PCDHGA5: variants seen among roughly 807,000 people sequenced by gnomAD.
The protein encoded by PCDHGA5 is protocadherin gamma subfamily A, 5.
In PCDHGA5, 36 loss-of-function variants were observed where a neutral mutation model predicts 56.7. The observed-to-expected ratio is 0.64, with a 90% CI of 0.49 to 0.84. The LOEUF (loss-of-function observed/expected upper bound fraction) is 0.84, where lower values mean the gene tolerates loss of function less well. Ranked by LOEUF, PCDHGA5 falls within the 40% of genes least tolerant of loss-of-function variation. PCDHGA5 has a pLI of 0.00. For synonymous variants in PCDHGA5, 563 were observed against 520.2 expected (o/e 1.08, Z -1.12); for missense variants, 1,305 against 1,201.5 (o/e 1.09, Z -1.27).
intron 1 of PCDHGA5, among the ~76,000 whole-genome samples, chr5:141,467,903 C>G (rs1256664266): frequency 6.6e-6 from 1 of 152,156 alleles, no homozygotes. Context: ...AAGAAATCCG[C>G]CCACCTCAGC....
intron 1 of PCDHGA5, among the ~76,000 whole-genome samples, chr5:141,444,862 A>G (rs781224880): frequency 1.8e-4 from 28 of 152,198 alleles, no homozygotes; most frequent in Non-Finnish European, 2.9e-4. Flanking sequence ...AAGTCTTACT[A>G]CAGGACAAAG....
intron 1 of PCDHGA5, among the ~76,000 whole-genome samples, chr5:141,433,837 C>CAAAAAAAA (rs56191208): frequency 1.9e-4 from 21 of 111,692 alleles, no homozygotes; most frequent in Admixed American, 5.9e-4. Context: ...AACTCTATCT[C>CAAAAAAAA]AAAAAAAAAA....
chr5:141,372,752 T>C (rs746659165), intron 1 of PCDHGA5: 9 of 1,613,300 alleles, frequency 5.6e-6, no homozygotes, highest in Non-Finnish European at 7.6e-6. Flanking sequence ...ATGAAGCCTC[T>C]TGGTTTGAAA....
intron 1 of PCDHGA5, chr5:141,418,256 T>C: frequency 1.2e-6 from 2 of 1,614,046 alleles, no homozygotes; most frequent in Non-Finnish European, 1.7e-6. Context: ...CGCCCCTCAA[T>C]TCCGGAAAGA....
At chr5:141,456,837 C>G (rs550771859) in intron 1 of PCDHGA5, among the ~76,000 whole-genome samples, 70 of 152,194 alleles carry the variant, frequency 4.6e-4, no homozygotes, top group Non-Finnish European at 8.2e-4. Context: ...GTAGTGGGCG[C>G]CTGTAATCCC....
Position 141,431,485 on chromosome 5 carries a change from T to G in PCDHGA5, c.2422-63322T>G. 2 of 1,613,924 alleles carry G rather than the reference T, an allele frequency of 1.2e-6. No individual in the cohort carries two copies. Among genetic ancestry groups the G allele is most frequent in the Non-Finnish European group, 1.7e-6 (2 of 1,179,990 alleles). ...ATGCGAACGACAACGCACCAGCGTTTGCTCAGCCCGAGTACCGCGCGAGCG... is the reference window on the plus strand; with the variant it reads ...ATGCGAACGACAACGCACCAGCGTTGGCTCAGCCCGAGTACCGCGCGAGCG... On this transcript the variant is annotated intron_variant, in intron 1 of 3. Coordinates refer to ENST00000518069, the MANE Select transcript of PCDHGA5 (RefSeq NM_018918.3). This position sits in a 1 kb window ranked among gnomAD's most constrained non-coding sequence, Gnocchi z 4.8.
intron 1 of PCDHGA5, chr5:141,413,527 G>T (rs768496934): frequency 1.2e-6 from 2 of 1,613,820 alleles, no homozygotes; most frequent in African/African-American, 1.3e-5. Flanking sequence ...GGAAGACAGG[G>T]TGAAACTTTT....
chr5:141,422,926 G>GC, intron 1 of PCDHGA5: 1 of 1,614,230 alleles, frequency 6.2e-7, no homozygotes, highest in African/African-American at 1.3e-5. Context: ...CCTGTACCCT[G>GC]CCCTCCCCAC....
chr5:141,368,313 G>A (rs1765575616), intron 1 of PCDHGA5, among the ~76,000 whole-genome samples: 1 of 152,024 alleles, frequency 6.6e-6, no homozygotes, highest in South Asian at 2.1e-4. Flanking sequence ...CTGTTAAAGA[G>A]CATTCAAGTA....
chr5:141,432,870 T>C lies in PCDHGA5; in HGVS notation c.2422-61937T>C, dbSNP rs1022024380. The stretch of plus-strand genomic sequence containing the variant: ...GCGGTGGCCGCGGTCTCCTGCGTCT[T>C]CCTGGCCTTCGTCATCTTGCTGCTG... On this transcript the variant is annotated intron_variant, in intron 1 of 3. Transcript: ENST00000518069. This position sits in a 1 kb window ranked among gnomAD's most constrained non-coding sequence, Gnocchi z 6.0. The C allele has an allele frequency of 1.9e-6, 3 of 1,614,030 alleles. No homozygotes were observed. In the African/African-American group the frequency reaches 4.0e-5, roughly 22 times the overall value.
intron 1 of PCDHGA5, chr5:141,372,532 T>A: frequency 6.2e-7 from 1 of 1,614,022 alleles, no homozygotes; most frequent in East Asian, 2.2e-5. Context: ...GCAATCTCCC[T>A]GCGCCTGCGA....
rs749822569 is a variant in PCDHGA5, at chr5:141,371,950, C to G, written c.2421+5199C>G. On this transcript the variant is annotated intron_variant, in intron 1 of 3. Coordinates refer to ENST00000518069, the MANE Select transcript of PCDHGA5 (RefSeq NM_018918.3). Reference sequence around the variant, plus strand: ...AGCGGGGTGGTGTTCGCGCAGCGAGCCTTCGACCACGAGCAGCTGCGTGCC... The same window carrying G: ...AGCGGGGTGGTGTTCGCGCAGCGAGGCTTCGACCACGAGCAGCTGCGTGCC... 3.1e-6 allele frequency: 5 copies of G among 1,613,168 alleles called. No homozygotes were observed. The highest frequency in any genetic ancestry group is 4.2e-6 in the Non-Finnish European group (5 of 1,179,884).
intron 1 of PCDHGA5, chr5:141,415,739 G>GTTTTT (rs1561759437): frequency 2.3e-6 from 1 of 434,538 alleles, no homozygotes; most frequent in African/African-American, 3.3e-5. Flanking sequence ...TGTTTATTAA[G>GTTTTT]GTTTTTTTTT....
chr5:141,474,500 C>G (rs183956979), intron 1 of PCDHGA5, among the ~76,000 whole-genome samples: 31 of 152,324 alleles, frequency 2.0e-4, no homozygotes, highest in African/African-American at 6.3e-4. Context: ...CTTCTAATGC[C>G]TATCAGCCCT....
chr5:141,409,766 C>G, intron 1 of PCDHGA5: 1 of 1,612,910 alleles, frequency 6.2e-7, no homozygotes, highest in Non-Finnish European at 8.5e-7. Context: ...CGCCTTTGAT[C>G]ACGAGCAGCT....
In PCDHGA5 at chr5:141,439,231, T is replaced by C. The variant is rs545867747; in HGVS notation, c.2422-55576T>C. 2.0e-5 allele frequency among the ~76,000 whole-genome samples: 3 copies of C among 151,650 alleles called. No individual in the cohort carries two copies. In the East Asian group the frequency reaches 5.8e-4, roughly 29 times the overall value. On this transcript the variant is annotated intron_variant, in intron 1 of 3. Coordinates refer to ENST00000518069, the MANE Select transcript of PCDHGA5 (RefSeq NM_018918.3). ...TCCATATGTGAAAATTCTTAGAAGC[T>C]TCCTATACAATTTCAGCTGAAGATT...
rs200491568 is a variant in PCDHGA5, at chr5:141,493,146, G to A, written c.2422-1661G>A. 9.6e-6 allele frequency among the ~76,000 whole-genome samples: 1 copy of A among 104,172 alleles called. No homozygotes were observed. The highest frequency in any genetic ancestry group is 3.1e-5 in the African/African-American group (1 of 32,680). 68.3% of individuals were successfully genotyped at this position (104,172 alleles called of 152,430 possible). A position where few individuals can be genotyped will look rare whatever the true frequency, so the allele number is the denominator to read the frequency against. On this transcript the variant is annotated intron_variant, in intron 1 of 3. Transcript: ENST00000518069. The surrounding 1 kb of genome is among the most constrained non-coding windows in gnomAD (Gnocchi z 4.3). ...AGGACTGTATTTTGAAACACCCCCA[G>A]GTGATTTTGATAGCTGATTGAGAGA... is the stretch of plus-strand genomic sequence containing the variant.
At chr5:141,413,066 A>T in intron 1 of PCDHGA5, 2 of 1,161,944 alleles carry the variant, frequency 1.7e-6, no homozygotes, top group Non-Finnish European at 2.4e-6. Flanking sequence ...TCCAGAATTT[A>T]AAGTGCCCAG....
At chr5:141,400,608 A>G in intron 1 of PCDHGA5, 1 of 1,580,872 alleles carries the variant, frequency 6.3e-7, no homozygotes, top group Admixed American at 1.7e-5. Flanking sequence ...TTTCAAGTCC[A>G]ATGAGTTGTC....
Sources: allele counts gnomAD v4.1 joint callset (sites outside exome capture counted in the v4.1 genomes callset), GRCh38; gene constraint gnomAD v4.1.1; non-coding constraint Gnocchi (gnomAD v3.1); transcripts MANE v1.5; gene names NCBI Gene and HGNC (gene_info 2026-07-23, HGNC 2026-07-21).